Variants in FNDC3B observed in about 807,000 individuals in gnomAD.
FNDC3B encodes the protein fibronectin type III domain-containing protein 3B.
A neutral mutation model predicts 151.5 loss-of-function variants in FNDC3B; 12 were observed. The observed-to-expected ratio is 0.08, with a 90% CI of 0.05 to 0.13. The LOEUF (loss-of-function observed/expected upper bound fraction) is 0.13. FNDC3B is among the 10% of genes least tolerant of loss of function. The probability of loss-of-function intolerance (pLI) is 1.00; values close to 1 mark genes in which losing one functional copy is unlikely to be tolerated. For synonymous variants in FNDC3B, 528 were observed against 549.0 expected (o/e 0.96, Z 0.54); for missense variants, 1,214 against 1,505.3 (o/e 0.81, Z 3.20).
chr3:172,162,829 G>T (rs1722845064), intron 3 of FNDC3B, among the ~76,000 whole-genome samples: 1 of 152,128 alleles, frequency 6.6e-6, no homozygotes, highest in South Asian at 2.1e-4. Flanking sequence ...GGACCAGCTT[G>T]TCTATTTGTC....
At chr3:172,056,631 T>C (rs1053335670) in intron 1 of FNDC3B, among the ~76,000 whole-genome samples, 2 of 152,262 alleles carry the variant, frequency 1.3e-5, no homozygotes, top group African/African-American at 4.8e-5. Flanking sequence ...TGTCTTGTTA[T>C]GACTATTTGG....
chr3:172,221,744 G>T (rs1436289932), intron 3 of FNDC3B, among the ~76,000 whole-genome samples: 1 of 151,782 alleles, frequency 6.6e-6, no homozygotes, highest in African/African-American at 2.4e-5. Context: ...CTCTTAGCTT[G>T]TGTAAGAGTC....
chr3:172,224,215 C>T lies in FNDC3B; in HGVS notation c.188-2656C>T, dbSNP rs372324502. ...ATATTAAGTAAATACACAACTCTCT[C>T]GTTGGCTGTGTCAAAAATGCTGAGG... On this transcript the variant is annotated intron_variant, in intron 3 of 25. Transcript: ENST00000415807. 3.7e-4 allele frequency among the ~76,000 whole-genome samples: 56 copies of T among 152,266 alleles called. 1 individual carries two copies. Among genetic ancestry groups the T allele is most frequent in the African/African-American group, 1.3e-3 (53 of 41,538 alleles).
chr3:172,085,459 ACT>A (rs1718503740), intron 1 of FNDC3B, among the ~76,000 whole-genome samples: 1 of 151,992 alleles, frequency 6.6e-6, no homozygotes, highest in Non-Finnish European at 1.5e-5. Flanking sequence ...AGTCCCCCTG[ACT>A]CTCTGTTAAC....
At chr3:172,254,687 T>C (rs1728244702) in intron 6 of FNDC3B, among the ~76,000 whole-genome samples, 1 of 152,162 alleles carries the variant, frequency 6.6e-6, no homozygotes, top group Admixed American at 6.5e-5. Context: ...GTGGCTAGCC[T>C]CCCCTTTCAT....
At chr3:172,085,923 C>T (rs6762040) in intron 1 of FNDC3B, among the ~76,000 whole-genome samples, 96,151 of 152,092 alleles carry the variant, frequency 0.63, 30,638 homozygotes, top group East Asian at 0.78. Context: ...TAGGTGTATA[C>T]ATAGTCTCTA....
chr3:172,057,910 GAA>G (rs568169651), intron 1 of FNDC3B, among the ~76,000 whole-genome samples: 5 of 140,668 alleles, frequency 3.6e-5, no homozygotes, highest in South Asian at 4.5e-4. Context: ...TTGCAGGGAG[GAA>G]AAAAAAAAAA....
intron 22 of FNDC3B, among the ~76,000 whole-genome samples, chr3:172,356,943 T>C (rs1170754874): frequency 6.6e-6 from 1 of 152,130 alleles, no homozygotes; most frequent in Admixed American, 6.5e-5. Flanking sequence ...CCAGTCCTGA[T>C]GAGGGAAGTC....
At chr3:172,262,894 CAAAAAAAAAAAAA>C (rs67891835) in intron 6 of FNDC3B, among the ~76,000 whole-genome samples, 28 of 60,610 alleles carry the variant, frequency 4.6e-4, no homozygotes, top group African/African-American at 8.4e-4. Context: ...GAGACCGACT[CAAAAAAAAAAAAA>C]AAAAAAAAAA....
In FNDC3B at chr3:172,141,599, G is replaced by A. The variant is rs368261386; in HGVS notation, c.187+8053G>A. 3.9e-5 allele frequency among the ~76,000 whole-genome samples: 6 copies of A among 152,302 alleles called. No homozygotes were observed. The South Asian group carries it at 1.0e-3, about 26-fold the overall frequency. ...GCCTGTAATCCCGACACTTTGGGAG[G>A]CCAAGGTGGGGCAGATCACCTGAGG... On this transcript the variant is annotated intron_variant, in intron 3 of 25. Coordinates refer to ENST00000415807, the MANE Select transcript of FNDC3B (RefSeq NM_022763.4).
Position 172,341,182 on chromosome 3 carries a change from C to G in FNDC3B, c.1922C>G (p.Thr641Ser), listed in dbSNP as rs780500422. The change falls in exon 17 of 26, where the codon ACT becomes AGT. Residue 641 changes from threonine to serine, a missense_variant. Thr to Ser is a moderately conservative substitution (Grantham distance 58). Around this residue, in one of 7 missense-constraint regions of FNDC3B, gnomAD observed 380 missense variants for 420.9 expected, o/e 0.90. Transcript: ENST00000415807. ...ACCTTCACCCACTTGAAACCAGGCA[C>G]TTTGTACAAACTCCGAGCATGCTGC... ...EYTFTHLKPG[T>S]LYKLRACCIS... The G allele has an allele frequency of 1.2e-6, 2 of 1,614,210 alleles. No individual in the cohort carries two copies. Among genetic ancestry groups the G allele is most frequent in the Admixed American group, 1.7e-5 (1 of 60,024 alleles).
At chr3:172,304,150 G>A (rs902584631) in intron 9 of FNDC3B, among the ~76,000 whole-genome samples, 1 of 151,876 alleles carries the variant, frequency 6.6e-6, no homozygotes, top group African/African-American at 2.4e-5. Context: ...CATCACTTAC[G>A]ACTCTCCAGC....
At chr3:172,046,100 T>G (rs1291536903) in intron 1 of FNDC3B, among the ~76,000 whole-genome samples, 1 of 152,116 alleles carries the variant, frequency 6.6e-6, no homozygotes, top group Non-Finnish European at 1.5e-5. Context: ...GACAGAAATG[T>G]TTTTAAAACC....
At chr3:172,208,707 G>A (rs1725557761) in intron 3 of FNDC3B, among the ~76,000 whole-genome samples, 1 of 115,986 alleles carries the variant, frequency 8.6e-6, no homozygotes, top group African/African-American at 3.6e-5. Flanking sequence ...TGCCTTCTGG[G>A]CTTCTTCTGC....
intron 1 of FNDC3B, among the ~76,000 whole-genome samples, chr3:172,076,038 T>TAAGGTCCC (rs368760518): frequency 5.7e-4 from 87 of 152,300 alleles, no homozygotes; most frequent in African/African-American, 2.0e-3. Flanking sequence ...TTTACAGGCT[T>TAAGGTCCC]AAGGTCCCAG....
At chr3:172,210,809 A>G (rs958079798) in intron 3 of FNDC3B, among the ~76,000 whole-genome samples, 5 of 152,268 alleles carry the variant, frequency 3.3e-5, no homozygotes, top group African/African-American at 1.2e-4. Flanking sequence ...TTCTGGCTCA[A>G]GTGAGAGAAT....
intron 6 of FNDC3B, among the ~76,000 whole-genome samples, chr3:172,277,135 C>CGT (rs147216010): frequency 0.1 from 15,234 of 151,896 alleles, 1,109 homozygotes; most frequent in African/African-American, 0.21. Flanking sequence ...TGTGAAAAAA[C>CGT]GTGTGTGTGT....
At position 172,304,635 on chromosome 3, in the gene FNDC3B, G is replaced by A. The variant is rs753170430; in HGVS notation, c.1062-2728G>A. 2.0e-5 allele frequency among the ~76,000 whole-genome samples: 3 copies of A among 152,150 alleles called. No homozygotes were observed. In the East Asian group the frequency reaches 5.8e-4, roughly 29 times the overall value. On this transcript the variant is annotated intron_variant, in intron 9 of 25. Transcript: ENST00000415807. ...AGTGAGGCCAGGTGCAGTGGCTCAC[G>A]CCTGTAATCCCAGCACTTTGGGAGG... is the stretch of plus-strand genomic sequence containing the variant.
intron 3 of FNDC3B, among the ~76,000 whole-genome samples, chr3:172,172,273 T>C (rs1328960148): frequency 6.6e-6 from 1 of 152,178 alleles, no homozygotes; most frequent in African/African-American, 2.4e-5. Context: ...AGTGTACCTG[T>C]ACCTAACCCA....
Sources: allele counts gnomAD v4.1 joint callset (sites outside exome capture counted in the v4.1 genomes callset), GRCh38; gene constraint gnomAD v4.1.1; regional missense constraint gnomAD v4.1.1; transcripts MANE v1.5; gene names NCBI Gene and HGNC (gene_info 2026-07-23, HGNC 2026-07-21).